DOCK8: variants seen among roughly 807,000 people sequenced by gnomAD.
DOCK8 encodes the protein dedicator of cytokinesis 8, also known as dedicator of cytokinesis protein 8.
In DOCK8, 141 loss-of-function variants were observed where a neutral mutation model predicts 245.6. The ratio of observed to expected loss-of-function variants is 0.57; its 90% CI spans 0.50 to 0.66. The LOEUF (loss-of-function observed/expected upper bound fraction) is 0.66. Ranked by LOEUF, DOCK8 falls within the 30% of genes least tolerant of loss-of-function variation. The pLI, the probability that DOCK8 is intolerant of heterozygous loss-of-function variation, is 0.00. For missense variants in DOCK8, 2,965 were observed against 2,603.4 expected, an observed-to-expected ratio of 1.14 and a Z score of -3.02; for synonymous variants, 1,168 against 970.2, an observed-to-expected ratio of 1.20 and a Z score of -3.79.
intron 2 of DOCK8, chr9:276,985 T>C (rs2048370396): frequency 5.8e-6 from 2 of 343,090 alleles, no homozygotes; most frequent in Non-Finnish European, 1.2e-5. Flanking sequence ...TTTTGTATTT[T>C]TTTTGTAGAG....
intron 1 of DOCK8, among the ~76,000 whole-genome samples, chr9:259,539 G>A (rs1469302375): frequency 6.6e-6 from 1 of 152,108 alleles, no homozygotes; most frequent in African/African-American, 2.4e-5. Flanking sequence ...CCTGAGTTTT[G>A]CATTTGTTAA....
intron 5 of DOCK8, among the ~76,000 whole-genome samples, chr9:311,154 G>A (rs547172852): frequency 1.6e-4 from 25 of 152,088 alleles, no homozygotes; most frequent in Middle Eastern, 3.4e-3. Context: ...ATGTAGTGGC[G>A]GACGCCTGTA....
chr9:228,831 C>T (rs2047043661), intron 1 of DOCK8, among the ~76,000 whole-genome samples: 1 of 152,178 alleles, frequency 6.6e-6, no homozygotes, highest in Non-Finnish European at 1.5e-5. Flanking sequence ...TGTAGACATT[C>T]ACATGGCTGC....
At chr9:298,734 T>C (rs1586633910) in intron 4 of DOCK8, among the ~76,000 whole-genome samples, 1 of 151,758 alleles carries the variant, frequency 6.6e-6, no homozygotes, top group Admixed American at 6.6e-5. Flanking sequence ...CAAAAAGTAA[T>C]GCTAAAGCTG....
intron 33 of DOCK8, among the ~76,000 whole-genome samples, chr9:423,884 T>G (rs1227235904): frequency 7.2e-5 from 11 of 152,298 alleles, no homozygotes; most frequent in Non-Finnish European, 4.4e-5. Flanking sequence ...GCCTGGGCTG[T>G]GTAAACTGGT....
chr9:327,944 T>G, intron 8 of DOCK8, 78 bp from the exon 9 acceptor site: 1 of 1,441,620 alleles, frequency 6.9e-7, no homozygotes, highest in South Asian at 1.1e-5. Flanking sequence ...CTCTGTGGTG[T>G]TTTTACTCCT....
Position 429,777 on chromosome 9 carries a change from A to G in DOCK8, c.4549A>G (p.Ser1517Gly), listed in dbSNP as rs764865123. ...TCACCAAGTCCTGCACCACTGCAGCAGCAGCATGGATGTCACCCGGAGCCA... is the reference window on the plus strand; with the variant it reads ...TCACCAAGTCCTGCACCACTGCAGCGGCAGCATGGATGTCACCCGGAGCCA... ...LCHQVLHHCS[S>G]SMDVTRSQAC... is the part of the protein sequence containing the mutation. Residue 1517 changes from serine (S) to glycine (G), a missense_variant, in exon 36 of 48, where the codon AGC (serine) becomes GGC (glycine). Around this residue, in one of 3 missense-constraint regions of DOCK8, gnomAD observed 2,825 missense variants for 2,453.5 expected, o/e 1.15. Coordinates refer to ENST00000432829, the MANE Select transcript of DOCK8 (RefSeq NM_203447.4). 2.5e-6 allele frequency: 4 copies of G among 1,614,078 alleles called. No homozygotes were observed. In the East Asian group the frequency reaches 6.7e-5, roughly 27 times the overall value.
chr9:341,163 G>C (rs1438949452), intron 14 of DOCK8, among the ~76,000 whole-genome samples: 2 of 152,192 alleles, frequency 1.3e-5, no homozygotes, highest in Non-Finnish European at 2.9e-5. Context: ...CAGTGCAATG[G>C]AGGAACTGAA....
intron 4 of DOCK8, among the ~76,000 whole-genome samples, chr9:296,075 C>T (rs2049249140): frequency 6.6e-6 from 1 of 152,184 alleles, no homozygotes; most frequent in Admixed American, 6.5e-5. Context: ...GATTTCCATT[C>T]TATCACTCAT....
intron 6 of DOCK8, chr9:314,488 GT>G (rs2050260371): frequency 6.6e-6 from 1 of 152,210 alleles, no homozygotes; most frequent in African/African-American, 2.4e-5. Context: ...GAGGAACTTT[GT>G]TTTATGATCT....
intron 28 of DOCK8, among the ~76,000 whole-genome samples, chr9:411,390 G>A (rs1356700497): frequency 6.7e-6 from 1 of 150,244 alleles, no homozygotes; most frequent in Non-Finnish European, 1.5e-5. Flanking sequence ...TCCAGCCTGG[G>A]CAACAAGAGC....
At chr9:234,222 G>A (rs1454338249) in intron 1 of DOCK8, among the ~76,000 whole-genome samples, 1 of 152,120 alleles carries the variant, frequency 6.6e-6, no homozygotes, top group Non-Finnish European at 1.5e-5. Flanking sequence ...TTGAATATTG[G>A]CCCCCACTCT....
intron 26 of DOCK8, among the ~76,000 whole-genome samples, chr9:400,154 C>G (rs1338074805): frequency 2.4e-5 from 1 of 41,312 alleles, no homozygotes. Flanking sequence ...TCCACCATCA[C>G]CACCACCACC....
rs753652763 is a variant in DOCK8 at position 463,633 on chromosome 9, A to C, written c.6185A>C (p.Glu2062Ala). 6.2e-7 allele frequency: 1 copy of C among 1,613,820 alleles called. No individual in the cohort carries two copies. Among genetic ancestry groups the C allele is most frequent in the Non-Finnish European group, 8.5e-7 (1 of 1,180,022 alleles). The change falls in exon 47 of 48, where the codon GAG (glutamate) becomes GCG (alanine). Residue 2062 changes from glutamate to alanine, a missense_variant. Physicochemically the swap from Glu to Ala is moderately radical, Grantham distance 107. Transcript: ENST00000432829. ...KLKENLRPMI[E>A]RKIPELYKPI... ...AAAGAGAACCTCAGGCCAATGATCG[A>C]GCGGAAAATTCCAGAACTGTACAAG...
intron 26 of DOCK8, among the ~76,000 whole-genome samples, chr9:399,954 CCCACTATCACCACCTTCT>C (rs2054669718): frequency 1.3e-5 from 2 of 150,276 alleles, no homozygotes; most frequent in South Asian, 4.2e-4. Flanking sequence ...TAGTCCCATG[CCCACTATCACCACCTTCT>C]CCACCATCAC....
intron 26 of DOCK8, among the ~76,000 whole-genome samples, chr9:400,896 C>T (rs2054992392): frequency 1.8e-5 from 2 of 110,252 alleles, no homozygotes; most frequent in South Asian, 3.2e-4. Flanking sequence ...ACCACCACCT[C>T]CCCCACTACC....
intron 2 of DOCK8, among the ~76,000 whole-genome samples, chr9:274,199 G>A (rs1241314302): frequency 6.6e-6 from 1 of 152,152 alleles, no homozygotes; most frequent in African/African-American, 2.4e-5. Context: ...TTAACATGTG[G>A]CTTAGCTGTC....
At chr9:218,085 T>A (rs971536038) in intron 1 of DOCK8, among the ~76,000 whole-genome samples, 1 of 152,224 alleles carries the variant, frequency 6.6e-6, no homozygotes, top group Non-Finnish European at 1.5e-5. Context: ...TGTTTTGCAA[T>A]GTTGAAGGTG....
chr9:376,078 G>A (rs1330866970), intron 18 of DOCK8, 132 bp from the exon 19 acceptor site: 4 of 741,710 alleles, frequency 5.4e-6, no homozygotes, highest in Middle Eastern at 2.9e-4. Context: ...TCCAAGAACA[G>A]TTAGATTAGT....
Sources: gnomAD v4.1 joint callset for allele counts (sites outside exome capture counted in the v4.1 genomes callset) on GRCh38, gnomAD v4.1.1 for gene constraint, gnomAD v4.1.1 regional missense constraint, MANE v1.5 for transcripts, NCBI Gene and HGNC (gene_info 2026-07-23, HGNC 2026-07-21) for gene names.